Variants in CLCC1 observed in about 807,000 individuals in gnomAD.
CLCC1 encodes the protein chloride channel CLIC-like protein 1.
A neutral mutation model predicts 63.3 loss-of-function variants in CLCC1; 39 were observed. The observed-to-expected ratio is 0.62, with a 90% confidence interval of 0.48 to 0.81. CLCC1 has a LOEUF of 0.81. Among genes scored for constraint, CLCC1 ranks in the 30% least tolerant of loss-of-function variants. The pLI is 0.00. For missense variants in CLCC1, 549 were observed against 669.4 expected (o/e 0.82, Z 1.98); for synonymous variants, 217 against 239.8 (o/e 0.90, Z 0.88).
chr1:108,960,938 C>T (rs578136683), intron 2 of CLCC1, among the ~76,000 whole-genome samples: 5 of 152,150 alleles, frequency 3.3e-5, no homozygotes, highest in South Asian at 2.1e-4. Context: ...TCCCCCTGCC[C>T]GCCGCCTTGT....
At chr1:108,933,935 A>G (rs1488550018) in intron 12 of CLCC1, 1 of 152,248 alleles carries the variant, frequency 6.6e-6, no homozygotes, top group East Asian at 1.9e-4. Flanking sequence ...GATTCTGAGT[A>G]ACACAAAAAA....
intron 2 of CLCC1, among the ~76,000 whole-genome samples, chr1:108,959,860 C>T (rs919491711): frequency 2.0e-5 from 3 of 152,066 alleles, no homozygotes; most frequent in South Asian, 2.1e-4. Context: ...CCGGTTGTGG[C>T]GACTCACGCC....
chr1:108,953,867 G>GAGC (rs1409944408), intron 2 of CLCC1, among the ~76,000 whole-genome samples: 5 of 151,458 alleles, frequency 3.3e-5, no homozygotes, highest in African/African-American at 1.2e-4. Context: ...AAAATTAGCT[G>GAGC]GGTATGGTGG....
chr1:108,958,519 T>C lies in CLCC1; in HGVS notation c.-12+3790A>G, dbSNP rs1656211776. Among the ~76,000 whole-genome samples the C allele has an allele frequency of 1.3e-5, 2 of 151,530 alleles. 1 individual carries two copies. Among genetic ancestry groups the C allele is most frequent in the African/African-American group, 4.9e-5 (2 of 40,780 alleles). ...CCCTAAAGCACAGTAGTAACGATGC[T>C]GGCAATTCAGATATGTCAAAGAGAA... On this transcript the variant is annotated intron_variant, in intron 2 of 12. Coordinates refer to ENST00000369969, the MANE Select transcript of CLCC1 (RefSeq NM_001377458.1).
intron 11 of CLCC1, among the ~76,000 whole-genome samples, chr1:108,936,695 C>A (rs1410890563): frequency 3.9e-5 from 6 of 152,232 alleles, no homozygotes; most frequent in Admixed American, 3.3e-4. Context: ...CCAGCCCACT[C>A]TTCCATCCAG....
Position 108,930,168 on chromosome 1 carries a change from G to T in CLCC1, c.*2379C>A. ...GCTTCATCGTCTGTGATTACTGCTT[G>T]GGATGTGTTCTTTGGCAGCTTGTGA... On this transcript the variant is annotated 3_prime_UTR_variant, in exon 13 of 13. Coordinates refer to ENST00000369969, the MANE Select transcript of CLCC1 (RefSeq NM_001377458.1). The T allele has an allele frequency of 2.0e-6, 1 of 501,104 alleles. No individual in the cohort carries two copies. Among genetic ancestry groups the T allele is most frequent in the Non-Finnish European group, 3.5e-6 (1 of 283,784 alleles). 31.0% of individuals were successfully genotyped at this position (501,104 alleles called of 1,614,324 possible).
In CLCC1 at chr1:108,943,920, T is replaced by C. The variant is rs1332721099; in HGVS notation, c.477A>G (p.Leu159=). The C allele has an allele frequency of 1.2e-6, 2 of 1,613,608 alleles. No individual in the cohort carries two copies. The highest frequency in any genetic ancestry group is 1.3e-5 in the African/African-American group (1 of 74,928). Residue 159 remains leucine, a synonymous_variant, in exon 6 of 13, where the codon TTA becomes TTG. Coordinates refer to ENST00000369969, the MANE Select transcript of CLCC1 (RefSeq NM_001377458.1). ...GALDDALSDI[L]INFKFHDFET... Reference sequence around the variant, plus strand: ...CAAAATCATGAAACTTAAAATTAATTAAAATATCACTTAGTGCATCATCCA... The same window carrying C: ...CAAAATCATGAAACTTAAAATTAATCAAAATATCACTTAGTGCATCATCCA...
chr1:108,934,149 AACT>A (rs1191658008), intron 12 of CLCC1: 1 of 153,226 alleles, frequency 6.5e-6, no homozygotes, highest in Non-Finnish European at 1.5e-5. Flanking sequence ...GAAAAGATGA[AACT>A]ACAGCCACAG....
At position 108,943,513 on chromosome 1, in the gene CLCC1, G is replaced by A. The variant is rs1198329648; in HGVS notation, c.664C>T (p.Leu222=). Reference sequence around the variant, plus strand: ...ATCCAATTCCATCCCAAACTGAACAGAAAGCTGATGATTAAAACACGTCTC... The same window carrying A: ...ATCCAATTCCATCCCAAACTGAACAAAAAGCTGATGATTAAAACACGTCTC... ...QLRRVLIISF[L]FSLGWNWMYL... is the part of the protein sequence containing the mutation. Residue 222 remains leucine (L), a synonymous_variant, in exon 7 of 13, where the codon CTG becomes TTG. Transcript: ENST00000369969. 4 of 1,613,984 alleles carry A rather than the reference G, an allele frequency of 2.5e-6. No homozygotes were observed. In the African/African-American group the frequency reaches 5.3e-5, roughly 22 times the overall value.
intron 4 of CLCC1, 21 bp from the exon 5 acceptor site, chr1:108,947,739 C>T: frequency 6.7e-7 from 1 of 1,489,416 alleles, no homozygotes; most frequent in Non-Finnish European, 9.3e-7. Flanking sequence ...AAAATCAATT[C>T]AACATTAGTT....
Position 108,955,396 on chromosome 1 carries a change from G to A in CLCC1, c.-11-4948C>T, listed in dbSNP as rs372542013. 3.3e-5 allele frequency among the ~76,000 whole-genome samples: 5 copies of A among 151,484 alleles called. 1 individual carries two copies. Among genetic ancestry groups the A allele is most frequent in the Middle Eastern group, 3.4e-3 (1 of 294 alleles). ...ACAAATGCTTTGTTACTCTCCCCAC[G>A]GAAAGATGGAGTGTATTTCCCCCTC... On this transcript the variant is annotated intron_variant, in intron 2 of 12. Transcript: ENST00000369969.
chr1:108,929,662 C>T lies in CLCC1; in HGVS notation c.*2885G>A. 6.2e-7 allele frequency: 1 copy of T among 1,602,428 alleles called. No individual in the cohort carries two copies. The highest frequency in any genetic ancestry group is 8.5e-7 in the Non-Finnish European group (1 of 1,169,824). On this transcript the variant is annotated 3_prime_UTR_variant, in exon 13 of 13. Transcript: ENST00000369969. Reference sequence around the variant, plus strand: ...TTTAACATAGCTTGGTGCTTTCTTTCCCACAGTATGTCTTTTAATCTCTCT... The same window carrying T: ...TTTAACATAGCTTGGTGCTTTCTTTTCCACAGTATGTCTTTTAATCTCTCT...
At chr1:108,951,913 G>C (rs1173811253) in intron 2 of CLCC1, among the ~76,000 whole-genome samples, 1 of 151,668 alleles carries the variant, frequency 6.6e-6, no homozygotes, top group Non-Finnish European at 1.5e-5. Context: ...GGGACTACAA[G>C]CTTACACCAC....
At chr1:108,958,783 G>A (rs568366232) in intron 2 of CLCC1, among the ~76,000 whole-genome samples, 1 of 151,540 alleles carries the variant, frequency 6.6e-6, no homozygotes, top group South Asian at 2.1e-4. Context: ...AGGAGGCTGA[G>A]GCAGGAGAAT....
At position 108,940,124 on chromosome 1, in the gene CLCC1, C is replaced by G; in HGVS notation, c.815G>C (p.Trp272Ser). 1 of 1,610,184 alleles carries G rather than the reference C, an allele frequency of 6.2e-7. No individual in the cohort carries two copies. Among genetic ancestry groups the G allele is most frequent in the Non-Finnish European group, 8.5e-7 (1 of 1,176,864 alleles). The change falls in exon 9 of 13, where the codon TGG becomes TCG. Residue 272 changes from tryptophan to serine, a missense_variant. Coordinates refer to ENST00000369969, the MANE Select transcript of CLCC1 (RefSeq NM_001377458.1). ...TTGGCATGGGTCATCCTTATAGGTC[C>G]ATGAACTTCTAAACCATTCTGTTTA... The part of the protein sequence containing the change: ...GSIWEWFRSS[W>S]TYKDDPCQKY...
chr1:108,936,146 G>A (rs941437609), intron 11 of CLCC1, among the ~76,000 whole-genome samples: 5 of 135,022 alleles, frequency 3.7e-5, no homozygotes, highest in Non-Finnish European at 7.6e-5. Context: ...AGGCTGGAGT[G>A]CAATGGCACG....
At chr1:108,947,581 CG>C (rs1557896512) in intron 5 of CLCC1, 29 bp downstream of exon 5, 18 of 1,248,830 alleles carry the variant, frequency 1.4e-5, no homozygotes, top group Non-Finnish European at 2.1e-5. Flanking sequence ...ATACACTATA[CG>C]GATTAGTATC....
intron 2 of CLCC1, among the ~76,000 whole-genome samples, chr1:108,952,790 ACT>A (rs1395244434): frequency 6.7e-6 from 1 of 150,166 alleles, no homozygotes; most frequent in Non-Finnish European, 1.5e-5. Context: ...ACAGAGTGAG[ACT>A]CTGCCTTTAA....
chr1:108,933,093 A>G (rs376189632), intron 12 of CLCC1: 2 of 152,148 alleles, frequency 1.3e-5, no homozygotes, highest in African/African-American at 4.8e-5. Flanking sequence ...TTAAGCGATC[A>G]TCCTCCCTCA....
Sources: allele counts gnomAD v4.1 joint callset (sites outside exome capture counted in the v4.1 genomes callset), GRCh38; gene constraint gnomAD v4.1.1; transcripts MANE v1.5; gene names NCBI Gene and HGNC (gene_info 2026-07-23, HGNC 2026-07-21).